CCDC158: variants seen among roughly 807,000 people sequenced by gnomAD.
CCDC158 encodes the protein coiled-coil domain containing 158, also known as coiled-coil domain-containing protein 158.
A neutral mutation model predicts 138.6 loss-of-function variants in CCDC158; 116 were observed. That is an observed-to-expected ratio of 0.84 (90% CI 0.72 to 0.98). The LOEUF (loss-of-function observed/expected upper bound fraction) is 0.98. Among genes scored for constraint, CCDC158 ranks in the 50% least tolerant of loss-of-function variants. CCDC158 has a pLI of 0.00. For synonymous variants in CCDC158, 436 were observed against 442.4 expected (o/e 0.99, Z 0.18); for missense variants, 1,265 against 1,306.1 (o/e 0.97, Z 0.48).
At position 76,384,096 on chromosome 4, in the gene CCDC158, T is replaced by G; in HGVS notation, c.718A>C (p.Ile240Leu). 6.3e-7 allele frequency: 1 copy of G among 1,594,034 alleles called. No homozygotes were observed. The change falls in exon 6 of 25, where the codon ATA (isoleucine) becomes CTA (leucine). Residue 240 changes from isoleucine (I) to leucine (L), a missense_variant. Transcript: ENST00000682701. ...DTEISYLKGR[I>L]FPVEDQLEAL... is the part of the protein sequence containing the mutation. ...GCATTCTCACCACTTACTGGAAATA[T>G]CCTCCCTTTAAGATAAGAAATCTCT...
chr4:76,358,109 C>T (rs1174059506), intron 13 of CCDC158, among the ~76,000 whole-genome samples: 2 of 152,140 alleles, frequency 1.3e-5, no homozygotes, highest in African/African-American at 2.4e-5. Context: ...TAGATGTCCT[C>T]GTGCCACCTG....
chr4:76,383,761 G>A, intron 6 of CCDC158, 23 bp from the exon 7 acceptor site: 1 of 1,540,460 alleles, frequency 6.5e-7, no homozygotes, highest in Non-Finnish European at 9.0e-7. Context: ...AAGAGACACT[G>A]ATTTAGTTAC....
intron 24 of CCDC158, among the ~76,000 whole-genome samples, chr4:76,320,708 C>T (rs1719916285): frequency 6.6e-6 from 1 of 152,086 alleles, no homozygotes; most frequent in Admixed American, 6.5e-5. Context: ...CCCTATTTAA[C>T]AAATGGTGCT....
At chr4:76,408,868 T>C (rs978674688) in intron 2 of CCDC158, among the ~76,000 whole-genome samples, 2 of 152,236 alleles carry the variant, frequency 1.3e-5, no homozygotes, top group African/African-American at 4.8e-5. Flanking sequence ...GACTTTTTAA[T>C]GATCGCCATT....
chr4:76,413,388 T>A (rs1729446088), intron 1 of CCDC158, among the ~76,000 whole-genome samples: 1 of 146,442 alleles, frequency 6.8e-6, no homozygotes, highest in Non-Finnish European at 1.5e-5. Flanking sequence ...GGTGGGAGTA[T>A]AACCTCAGCC....
At chr4:76,317,235 A>G (rs1007942019) in intron 24 of CCDC158, among the ~76,000 whole-genome samples, 3 of 152,114 alleles carry the variant, frequency 2.0e-5, no homozygotes, top group Non-Finnish European at 4.4e-5. Flanking sequence ...TCTTCAAGAG[A>G]CTCACCTAAT....
chr4:76,341,584 C>A (rs1404331375), intron 18 of CCDC158, among the ~76,000 whole-genome samples: 1 of 152,088 alleles, frequency 6.6e-6, no homozygotes, highest in Non-Finnish European at 1.5e-5. Flanking sequence ...TGATACACAA[C>A]CAAAATCAAT....
rs201014339 is a variant in CCDC158, at chr4:76,323,336, T to C, written c.3243A>G (p.Gln1081=). Residue 1081 remains glutamine, a synonymous_variant, in exon 24 of 25, where the codon CAA becomes CAG. Coordinates refer to ENST00000682701, the MANE Select transcript of CCDC158 (RefSeq NM_001394954.1). ...RKLQNRLESL[Q]TLVEDLQLKN... ...TCAGCTGTAAATCTTCTACCAGAGT[T>C]TGCAAGCTTTCTAGTCTGTTCTGAA... 9 of 1,613,304 alleles carry C rather than the reference T, an allele frequency of 5.6e-6. No homozygotes were observed. The highest frequency in any genetic ancestry group is 7.6e-6 in the Non-Finnish European group (9 of 1,179,618).
intron 13 of CCDC158, among the ~76,000 whole-genome samples, chr4:76,361,497 G>A (rs973397326): frequency 6.6e-6 from 1 of 152,202 alleles, no homozygotes; most frequent in Admixed American, 6.5e-5. Flanking sequence ...GGGAGGCGGA[G>A]CTTGCAGTGA....
Position 76,369,631 on chromosome 4 carries a change from A to G in CCDC158, c.1150-8T>C. On this transcript the variant is annotated splice_polypyrimidine_tract_variant and splice_region_variant and intron_variant, in intron 10 of 24. Transcript: ENST00000682701. Reference sequence around the variant, plus strand: ...CCTTTTGTGTAGATCAGCCTAAAAAAAGAGAGGAATGCTTTTTTCCTCCCT... The same window carrying G: ...CCTTTTGTGTAGATCAGCCTAAAAAGAGAGAGGAATGCTTTTTTCCTCCCT... The G allele has an allele frequency of 6.2e-7, 1 of 1,603,432 alleles. No homozygotes were observed. The highest frequency in any genetic ancestry group is 1.4e-5 in the African/African-American group (1 of 72,154).
rs750348114 is a variant in CCDC158 at position 76,355,425 on chromosome 4, C to G, written c.2185G>C (p.Ala729Pro). 2 of 1,611,016 alleles carry G rather than the reference C, an allele frequency of 1.2e-6. No individual in the cohort carries two copies. The highest frequency in any genetic ancestry group is 1.3e-5 in the African/African-American group (1 of 74,790). The part of the protein sequence containing the change: ...EGSDGHAMKV[A>P]MGMQKQITAK... Reference sequence around the variant, plus strand: ...GTGATTTGCTTTTGCATCCCCATTGCCACTTTCATAGCTGGAAAAAAAAAA... The same window carrying G: ...GTGATTTGCTTTTGCATCCCCATTGGCACTTTCATAGCTGGAAAAAAAAAA... Residue 729 changes from alanine (A) to proline (P), a missense_variant, in exon 15 of 25, where the codon GCA becomes CCA. Transcript: ENST00000682701.
chr4:76,401,229 C>T (rs1410711312), intron 3 of CCDC158: 2 of 372,504 alleles, frequency 5.4e-6, no homozygotes, highest in East Asian at 7.2e-5. Context: ...CAAACTTCTT[C>T]GCCAGTAGCA....
At chr4:76,379,743 T>TACACACAC (rs34043671) in intron 8 of CCDC158, among the ~76,000 whole-genome samples, 329 of 147,074 alleles carry the variant, frequency 2.2e-3, no homozygotes, top group African/African-American at 7.1e-3. Context: ...TCATATATAT[T>TACACACAC]ACACACACAC....
intron 18 of CCDC158, 148 bp downstream of exon 18, chr4:76,350,848 G>A (rs2110169034): frequency 1.6e-6 from 1 of 636,496 alleles, no homozygotes; most frequent in Non-Finnish European, 2.3e-6. Flanking sequence ...GGACTCCATT[G>A]AATTTATAGG....
intron 18 of CCDC158, among the ~76,000 whole-genome samples, chr4:76,344,105 C>T (rs1250585068): frequency 1.3e-5 from 2 of 152,116 alleles, no homozygotes; most frequent in African/African-American, 4.8e-5. Context: ...TTAGAAAACC[C>T]TATCGCCTCA....
chr4:76,326,319 G>C (rs1186180518), intron 22 of CCDC158, among the ~76,000 whole-genome samples: 1 of 152,096 alleles, frequency 6.6e-6, no homozygotes, highest in Non-Finnish European at 1.5e-5. Flanking sequence ...ATGCTCCCTA[G>C]AGTAAGGTAA....
chr4:76,324,520 G>C (rs1005236279), intron 23 of CCDC158, among the ~76,000 whole-genome samples: 1 of 152,014 alleles, frequency 6.6e-6, no homozygotes, highest in African/African-American at 2.4e-5. Flanking sequence ...TAAAATATAG[G>C]TTTGATGAGT....
chr4:76,415,520 TA>T (rs1729622743), intron 1 of CCDC158, among the ~76,000 whole-genome samples: 2 of 152,114 alleles, frequency 1.3e-5, no homozygotes, highest in African/African-American at 4.8e-5. Context: ...TCCAGTATAA[TA>T]AAATATACAA....
Position 76,384,191 on chromosome 4 carries a change from T to C in CCDC158, c.623A>G (p.Asp208Gly). The change falls in exon 6 of 25, where the codon GAC becomes GGC. Residue 208 changes from aspartate to glycine, a missense_variant. Physicochemically the swap from Asp to Gly is moderately conservative, Grantham distance 94. Coordinates refer to ENST00000682701, the MANE Select transcript of CCDC158 (RefSeq NM_001394954.1). ...EASGKKICEH[D>G]SMSTLHFRSL... ...GCGGAAGTGCAGAGTAGACATGCTG[T>C]CATGTTCACATATTTTTTTGCCTGA... The C allele has an allele frequency of 6.2e-7, 1 of 1,614,170 alleles. No homozygotes were observed. Among genetic ancestry groups the C allele is most frequent in the Non-Finnish European group, 8.5e-7 (1 of 1,179,988 alleles).
Sources: gnomAD v4.1 joint callset for allele counts (sites outside exome capture counted in the v4.1 genomes callset) on GRCh38, gnomAD v4.1.1 for gene constraint, MANE v1.5 for transcripts, NCBI Gene and HGNC (gene_info 2026-07-23, HGNC 2026-07-21) for gene names.